The following ZNF560 variants were observed in gnomAD, a reference collection of about 807,000 sequenced individuals.
ZNF560 encodes zinc finger protein 560.
A neutral mutation model predicts 81.8 loss-of-function variants in ZNF560; 54 were observed. That is an observed-to-expected ratio of 0.66 (90% CI 0.53 to 0.83). The LOEUF (loss-of-function observed/expected upper bound fraction) is 0.83, where lower values mean the gene tolerates loss of function less well. ZNF560 is among the 40% of genes least tolerant of loss of function. ZNF560 has a pLI of 0.00. For synonymous variants in ZNF560, 321 were observed against 317.9 expected (o/e 1.01, Z -0.10); for missense variants, 940 against 932.4 (o/e 1.01, Z -0.11).
intron 2 of ZNF560, among the ~76,000 whole-genome samples, chr19:9,488,210 C>G (rs957100040): frequency 5.3e-5 from 8 of 152,184 alleles, no homozygotes; most frequent in Non-Finnish European, 1.0e-4. Flanking sequence ...CCTCTTCTGC[C>G]TCTCTACCAT....
At chr19:9,469,571 T>G in intron 8 of ZNF560, 59 bp downstream of exon 8, 1 of 1,494,502 alleles carries the variant, frequency 6.7e-7, no homozygotes, top group East Asian at 2.3e-5. Flanking sequence ...AACTTCATTG[T>G]GCTTCCAAAC....
upstream of ZNF560, among the ~76,000 whole-genome samples, chr19:9,500,350 C>G (rs921797555): frequency 7.5e-5 from 11 of 145,902 alleles, no homozygotes; most frequent in Non-Finnish European, 4.5e-5. Flanking sequence ...GTGGAGATGG[C>G]TCCATTGCAC....
the ZNF560 span, among the ~76,000 whole-genome samples, chr19:9,459,939 T>C: frequency 6.6e-6 from 1 of 152,074 alleles, no homozygotes; most frequent in East Asian, 1.9e-4. Context: ...CAAGACTCTT[T>C]TACATTATGT....
At chr19:9,473,861 T>C (rs552969086) in intron 4 of ZNF560, among the ~76,000 whole-genome samples, 53 of 152,202 alleles carry the variant, frequency 3.5e-4, no homozygotes, top group Non-Finnish European at 6.2e-4. Flanking sequence ...AAGAGACCCT[T>C]GTATACTTGG....
chr19:9,477,429 T>C (rs1228229122), intron 2 of ZNF560, among the ~76,000 whole-genome samples: 3 of 152,228 alleles, frequency 2.0e-5, no homozygotes, highest in Admixed American at 2.0e-4. Flanking sequence ...CTCTGGGAAT[T>C]GATACCTGGC....
chr19:9,498,442 G>A (rs1291661696), intron 1 of ZNF560, 96 bp downstream of exon 1: 1 of 152,294 alleles, frequency 6.6e-6, no homozygotes, highest in East Asian at 1.9e-4. Flanking sequence ...AGTGGTCCAG[G>A]CCTCTGTAAG....
At chr19:9,506,310 C>T in the ZNF560 span, among the ~76,000 whole-genome samples, 155 of 151,998 alleles carry the variant, frequency 1.0e-3, 1 homozygote, top group African/African-American at 3.7e-3. Context: ...TAACAGCCCT[C>T]ATAAGGATTA....
the ZNF560 span, among the ~76,000 whole-genome samples, chr19:9,460,513 G>C: frequency 2.0e-5 from 3 of 152,128 alleles, no homozygotes; most frequent in African/African-American, 7.2e-5. Flanking sequence ...GCTCTTGGAT[G>C]CCTGGTCCTA....
chr19:9,502,897 T>C (rs1053193809), upstream of ZNF560, among the ~76,000 whole-genome samples: 3 of 152,198 alleles, frequency 2.0e-5, no homozygotes, highest in African/African-American at 7.2e-5. Context: ...TTGCAAAGAG[T>C]AACTTTTAGT....
intron 2 of ZNF560, among the ~76,000 whole-genome samples, chr19:9,479,065 C>T (rs140597061): frequency 2.6e-5 from 4 of 151,812 alleles, no homozygotes; most frequent in African/African-American, 7.3e-5. Context: ...ATTCAGGAGG[C>T]TGAGGCAGGA....
chr19:9,486,097 T>A (rs1568462867), intron 2 of ZNF560, among the ~76,000 whole-genome samples: 1 of 152,064 alleles, frequency 6.6e-6, no homozygotes, highest in African/African-American at 2.4e-5. Flanking sequence ...ATTGCCAGGG[T>A]CCCTTCTTCA....
rs1355970402 is a variant in ZNF560 at position 9,467,385 on chromosome 19, C to A, written c.1562G>T (p.Cys521Phe). Reference protein sequence around the residue: ...TGEKPFKCYKCGKPFTSSACL... With the variant: ...TGEKPFKCYKFGKPFTSSACL... ...GGCAGAAGAGGTAAATGGTTTCCCA[C>A]ATTTGTAACACTTAAAGGGCTTCTC... Residue 521 changes from cysteine to phenylalanine, a missense_variant, in exon 10 of 10, where the codon TGT (cysteine) becomes TTT (phenylalanine). By Grantham distance (205) the Cys-to-Phe change is radical. Coordinates refer to ENST00000301480, the MANE Select transcript of ZNF560 (RefSeq NM_152476.3). 2 of 1,614,158 alleles carry A rather than the reference C, an allele frequency of 1.2e-6. No homozygotes were observed. Among genetic ancestry groups the A allele is most frequent in the Non-Finnish European group, 1.7e-6 (2 of 1,180,026 alleles).
the ZNF560 span, among the ~76,000 whole-genome samples, chr19:9,454,435 G>T: frequency 6.6e-6 from 1 of 152,158 alleles, no homozygotes; most frequent in Non-Finnish European, 1.5e-5. Context: ...TCGAAGGGTC[G>T]CCAGAGCGAT....
chr19:9,474,823 ATTTTT>A (rs35450965), intron 3 of ZNF560, among the ~76,000 whole-genome samples: 12 of 85,710 alleles, frequency 1.4e-4, no homozygotes, highest in African/African-American at 5.4e-4. Context: ...CATGCCTGGC[ATTTTT>A]TTTTTTTTTT....
chr19:9,459,023 C>T, the ZNF560 span, among the ~76,000 whole-genome samples: 57 of 152,326 alleles, frequency 3.7e-4, no homozygotes, highest in African/African-American at 1.2e-3. Context: ...TGGTGATGGG[C>T]ATTCCAGCTT....
chr19:9,476,604 A>G (rs1373306500), intron 2 of ZNF560, among the ~76,000 whole-genome samples: 1 of 152,006 alleles, frequency 6.6e-6, no homozygotes, highest in East Asian at 1.9e-4. Context: ...TGATGGTTTT[A>G]TAAGTATGTG....
chr19:9,449,648 T>G, the ZNF560 span, among the ~76,000 whole-genome samples: 1 of 152,158 alleles, frequency 6.6e-6, no homozygotes, highest in South Asian at 2.1e-4. Context: ...TCATACTAAA[T>G]GGGCAAAAGC....
the ZNF560 span, among the ~76,000 whole-genome samples, chr19:9,447,581 T>A: frequency 5.1e-4 from 78 of 152,104 alleles, no homozygotes; most frequent in Non-Finnish European, 1.0e-3. Flanking sequence ...TAAAATAAAA[T>A]TGAAAGCTTC....
chr19:9,471,465 A>C, intron 5 of ZNF560, 87 bp from the exon 6 acceptor site: 1 of 820,372 alleles, frequency 1.2e-6, no homozygotes, highest in Non-Finnish European at 1.8e-6. Flanking sequence ...CCTCATTCAT[A>C]TTTGTTTTTA....
Sources: gnomAD v4.1 joint callset for allele counts (sites outside exome capture counted in the v4.1 genomes callset) on GRCh38, gnomAD v4.1.1 for gene constraint, MANE v1.5 for transcripts, NCBI Gene and HGNC (gene_info 2026-07-23, HGNC 2026-07-21) for gene names.